Variants in COL22A1 observed in about 807,000 individuals in gnomAD.
The protein encoded by COL22A1 is collagen alpha-1(XXII) chain.
COL22A1 carries 221 observed loss-of-function variants against 248.9 expected under a neutral mutation model. The ratio of observed to expected loss-of-function variants is 0.89; its 90% confidence interval spans 0.80 to 0.99. The LOEUF (loss-of-function observed/expected upper bound fraction) is 0.99, where lower values mean the gene tolerates loss of function less well. Among genes scored for constraint, COL22A1 ranks in the 50% least tolerant of loss-of-function variants. The pLI is 0.00. For missense variants in COL22A1, 2,240 were observed against 2,179.0 expected, an observed-to-expected ratio of 1.03 and a Z score of -0.56; for synonymous variants, 891 against 793.4, an observed-to-expected ratio of 1.12 and a Z score of -2.07.
chr8:138,657,369 A>G (rs1398284799), intron 44 of COL22A1, among the ~76,000 whole-genome samples: 1 of 152,270 alleles, frequency 6.6e-6, no homozygotes, highest in Non-Finnish European at 1.5e-5. Flanking sequence ...TCAAATTGGT[A>G]TATTTTAATG....
intron 63 of COL22A1, among the ~76,000 whole-genome samples, chr8:138,592,290 G>C (rs1228006717): frequency 6.6e-6 from 1 of 152,146 alleles, no homozygotes; most frequent in African/African-American, 2.4e-5. Flanking sequence ...TCTCACCCTT[G>C]TTTTTTAAAT....
chr8:138,720,895 C>T (rs971851523), intron 26 of COL22A1, 103 bp from the exon 27 acceptor site: 2 of 964,182 alleles, frequency 2.1e-6, no homozygotes. Flanking sequence ...TACCTGCACT[C>T]GGGTGGTTTT....
At chr8:138,601,174 G>A (rs183763285) in intron 60 of COL22A1, among the ~76,000 whole-genome samples, 4 of 152,060 alleles carry the variant, frequency 2.6e-5, no homozygotes, top group African/African-American at 7.2e-5. Context: ...GCATTCTCGG[G>A]GGGGAACATC....
At chr8:138,848,256 A>G (rs568532561) in intron 3 of COL22A1, among the ~76,000 whole-genome samples, 83 of 152,250 alleles carry the variant, frequency 5.5e-4, no homozygotes, top group Middle Eastern at 3.4e-3. Flanking sequence ...TTTATTGTCT[A>G]CCCCCTGACA....
At chr8:138,791,865 C>T (rs143876564) in intron 12 of COL22A1, among the ~76,000 whole-genome samples, 7 of 151,934 alleles carry the variant, frequency 4.6e-5, no homozygotes, top group East Asian at 1.9e-4. Flanking sequence ...GCTGAGTCAA[C>T]GAGCCCAGTA....
intron 39 of COL22A1, among the ~76,000 whole-genome samples, chr8:138,680,998 G>T (rs1171066084): frequency 6.6e-6 from 1 of 152,134 alleles, no homozygotes; most frequent in African/African-American, 2.4e-5. Flanking sequence ...CCCCGGGGGG[G>T]GTCTCAGCCT....
chr8:138,778,464 G>T, intron 14 of COL22A1, 58 bp from the exon 15 acceptor site: 1 of 1,466,684 alleles, frequency 6.8e-7, no homozygotes, highest in Non-Finnish European at 9.2e-7. Context: ...GGCAAGTGCA[G>T]CCGTACAGCT....
chr8:138,635,165 A>G, intron 48 of COL22A1, 102 bp from the exon 49 acceptor site: 1 of 917,980 alleles, frequency 1.1e-6, no homozygotes, highest in Non-Finnish European at 1.6e-6. Context: ...CCACCTTCCA[A>G]CCCTACTAAC....
intron 60 of COL22A1, 82 bp from the exon 61 acceptor site, chr8:138,598,980 T>C (rs192216834): frequency 6.9e-7 from 1 of 1,441,844 alleles, no homozygotes; most frequent in Admixed American, 1.9e-5. Context: ...GTTCCCCCAG[T>C]CTGCCTCTTA....
At chr8:138,903,668 C>T (rs1268506389) in intron 1 of COL22A1, among the ~76,000 whole-genome samples, 1 of 152,122 alleles carries the variant, frequency 6.6e-6, no homozygotes, top group Non-Finnish European at 1.5e-5. Context: ...GAGAGCAGAG[C>T]CAGTCTTTTG....
In COL22A1 at chr8:138,623,751, G is replaced by T; in HGVS notation, c.3752C>A (p.Pro1251Gln). 6.2e-7 allele frequency: 1 copy of T among 1,612,048 alleles called. No homozygotes were observed. The highest frequency in any genetic ancestry group is 1.3e-5 in the African/African-American group (1 of 74,886). The part of the protein sequence containing the change: ...EEGKEGRDGK[P>Q]GPPGEPGKAG... ...CTTTACCGGCTCTCCAGGGGGACCC[G>T]GCTTTCCATCTCTGCCCTCTTTGCC... The change falls in exon 52 of 65, where the codon CCG becomes CAG. Residue 1251 changes from proline (P) to glutamine (Q), a missense_variant. Transcript: ENST00000303045.
chr8:138,654,896 A>T (rs1297307720), intron 45 of COL22A1, among the ~76,000 whole-genome samples: 1 of 152,122 alleles, frequency 6.6e-6, no homozygotes, highest in Non-Finnish European at 1.5e-5. Context: ...CTGCACTCAC[A>T]TCTGAGTTTG....
At position 138,613,922 on chromosome 8, in the gene COL22A1, T is replaced by C. The variant is rs1157375045; in HGVS notation, c.3925-2A>G. On this transcript the variant is annotated splice_acceptor_variant, in intron 55 of 64. Transcript: ENST00000303045. LOFTEE classifies it high-confidence loss of function. ...TGGCCCAGTGGGTCCAGTGTCACCC[T>C]GGAACAAAGACAGAGAGATGGTGTC... 1.2e-6 allele frequency: 2 copies of C among 1,609,758 alleles called. No individual in the cohort carries two copies. The highest frequency in any genetic ancestry group is 1.7e-5 in the Admixed American group (1 of 60,010).
At chr8:138,641,258 T>C (rs1821666448) in intron 47 of COL22A1, among the ~76,000 whole-genome samples, 1 of 152,162 alleles carries the variant, frequency 6.6e-6, no homozygotes, top group East Asian at 1.9e-4. Flanking sequence ...GCAGCAGGTA[T>C]TATCTCTGCC....
chr8:138,759,869 A>G (rs983032486), intron 18 of COL22A1, among the ~76,000 whole-genome samples: 10 of 152,294 alleles, frequency 6.6e-5, no homozygotes, highest in African/African-American at 1.7e-4. Flanking sequence ...AGAGAAAAGG[A>G]AAAAGTTTTT....
intron 1 of COL22A1, among the ~76,000 whole-genome samples, chr8:138,884,958 C>T (rs1464459880): frequency 6.6e-6 from 1 of 152,126 alleles, no homozygotes; most frequent in Non-Finnish European, 1.5e-5. Context: ...CAAGCACAGG[C>T]AAATCAATTT....
chr8:138,726,857 C>T lies in COL22A1; in HGVS notation c.2140-1417G>A, dbSNP rs547124753. Among the ~76,000 whole-genome samples, 19 of 152,198 alleles carry T rather than the reference C, an allele frequency of 1.2e-4. No individual in the cohort carries two copies. The South Asian group carries it at 2.5e-3, about 20-fold the overall frequency. On this transcript the variant is annotated intron_variant, in intron 23 of 64. Coordinates refer to ENST00000303045, the MANE Select transcript of COL22A1 (RefSeq NM_152888.3). The stretch of plus-strand genomic sequence containing the variant: ...TCATAGTGAGGAGGAGCGACTTTGC[C>T]GTGAAGGTCTTGGAAGTAACTGAAG...
intron 63 of COL22A1, among the ~76,000 whole-genome samples, chr8:138,593,473 CAG>C (rs1457764311): frequency 1.3e-5 from 2 of 152,016 alleles, no homozygotes; most frequent in Non-Finnish European, 2.9e-5. Flanking sequence ...TGTCTTCCTG[CAG>C]AGAGAGTAAG....
chr8:138,855,091 T>C (rs1821920546), intron 3 of COL22A1, among the ~76,000 whole-genome samples: 1 of 152,160 alleles, frequency 6.6e-6, no homozygotes, highest in Non-Finnish European at 1.5e-5. Context: ...CTTCCTCAAT[T>C]ATAAAATAAT....
Sources: allele counts gnomAD v4.1 joint callset (sites outside exome capture counted in the v4.1 genomes callset), GRCh38; gene constraint gnomAD v4.1.1; transcripts MANE v1.5; gene names NCBI Gene and HGNC (gene_info 2026-07-23, HGNC 2026-07-21).